The following ELMO1 variants were observed in gnomAD, a reference collection of about 807,000 sequenced individuals.
ELMO1 encodes the protein engulfment and cell motility protein 1.
ELMO1 carries 26 observed loss-of-function variants against 98.9 expected under a neutral mutation model. The observed-to-expected ratio is 0.26, with a 90% CI of 0.19 to 0.36. The LOEUF is 0.36. Among genes scored for constraint, ELMO1 ranks in the 10% least tolerant of loss-of-function variants. The pLI, the probability that ELMO1 is intolerant of heterozygous loss-of-function variation, is 1.00. For missense variants in ELMO1, 627 were observed against 935.2 expected, an observed-to-expected ratio of 0.67 and a Z score of 4.30; for synonymous variants, 346 against 346.0, an observed-to-expected ratio of 1.00 and a Z score of 0.00.
chr7:37,403,187 G>C (rs576871204), intron 1 of ELMO1, among the ~76,000 whole-genome samples: 1 of 152,214 alleles, frequency 6.6e-6, no homozygotes, highest in African/African-American at 2.4e-5. Context: ...AAGGAAGCCA[G>C]TCTGAAAAGC....
chr7:37,213,842 G>A (rs961838822), intron 11 of ELMO1, among the ~76,000 whole-genome samples: 2 of 152,200 alleles, frequency 1.3e-5, no homozygotes, highest in Non-Finnish European at 2.9e-5. Context: ...CATACCCATA[G>A]GAAGCAATTT....
intron 13 of ELMO1, among the ~76,000 whole-genome samples, chr7:37,166,323 G>C (rs547278295): frequency 2.1e-4 from 32 of 152,012 alleles, no homozygotes; most frequent in Non-Finnish European, 4.6e-4. Context: ...AGCGTTTTTT[G>C]TGTCTCTATT....
At chr7:37,008,328 G>A (rs1333515388) in intron 16 of ELMO1, among the ~76,000 whole-genome samples, 5 of 152,144 alleles carry the variant, frequency 3.3e-5, no homozygotes, top group Non-Finnish European at 7.4e-5. Flanking sequence ...GGTTGCTACC[G>A]TGTGTTTCAC....
At chr7:37,431,923 C>A (rs1446284746) in intron 1 of ELMO1, among the ~76,000 whole-genome samples, 1 of 152,022 alleles carries the variant, frequency 6.6e-6, no homozygotes, top group African/African-American at 2.4e-5. Context: ...CTCTTGTTGC[C>A]CAGGCTGGAG....
chr7:37,029,380 C>T (rs967122349), intron 15 of ELMO1, among the ~76,000 whole-genome samples: 1 of 150,648 alleles, frequency 6.6e-6, no homozygotes, highest in Non-Finnish European at 1.5e-5. Context: ...TGAATCATTA[C>T]AAACAATTCC....
At chr7:37,066,619 A>C (rs1191033667) in intron 15 of ELMO1, among the ~76,000 whole-genome samples, 2 of 152,216 alleles carry the variant, frequency 1.3e-5, no homozygotes, top group Non-Finnish European at 2.9e-5. Flanking sequence ...AGTTACAAAA[A>C]GTTGGAAGGA....
chr7:37,375,513 G>A, intron 1 of ELMO1: 1 of 864,562 alleles, frequency 1.2e-6, no homozygotes, highest in South Asian at 1.4e-5. Context: ...GGACCCCAGA[G>A]CCACCAAGAT....
chr7:37,295,072 G>A (rs943427658), intron 4 of ELMO1, among the ~76,000 whole-genome samples: 2 of 151,900 alleles, frequency 1.3e-5, no homozygotes, highest in Non-Finnish European at 2.9e-5. Flanking sequence ...CCTAGAGTAG[G>A]ATATCAATGC....
At chr7:37,193,561 T>TA (rs970020408) in intron 13 of ELMO1, among the ~76,000 whole-genome samples, 21 of 152,248 alleles carry the variant, frequency 1.4e-4, no homozygotes, top group Admixed American at 9.8e-4. Context: ...TGCAGGAGCT[T>TA]AGAGGCACAG....
intron 18 of ELMO1, among the ~76,000 whole-genome samples, chr7:36,884,568 C>T (rs117149468): frequency 0.01 from 1,590 of 152,238 alleles, 17 homozygotes; most frequent in South Asian, 0.017. Context: ...TTCAACCCAG[C>T]TTATTGTGTC....
intron 5 of ELMO1, among the ~76,000 whole-genome samples, chr7:37,266,985 C>G (rs1796273880): frequency 6.8e-6 from 1 of 146,140 alleles, no homozygotes; most frequent in Non-Finnish European, 1.5e-5. Context: ...TATACTCCAG[C>G]CTGGGCGACA....
chr7:36,983,852 T>G (rs945822344), intron 16 of ELMO1, among the ~76,000 whole-genome samples: 14 of 152,176 alleles, frequency 9.2e-5, no homozygotes, highest in African/African-American at 3.4e-4. Flanking sequence ...CAAAGTGTTA[T>G]GTGTTTGTGC....
chr7:36,964,563 A>G (rs1031082498), intron 16 of ELMO1, among the ~76,000 whole-genome samples: 4 of 152,238 alleles, frequency 2.6e-5, no homozygotes, highest in African/African-American at 9.6e-5. Flanking sequence ...CATTAGGTTT[A>G]GAATTTAGTA....
At chr7:37,442,363 G>A (rs911044727) in intron 1 of ELMO1, among the ~76,000 whole-genome samples, 19 of 152,088 alleles carry the variant, frequency 1.2e-4, no homozygotes, top group African/African-American at 4.6e-4. Flanking sequence ...TTTCTTAGTT[G>A]GTATGAATCT....
intron 4 of ELMO1, among the ~76,000 whole-genome samples, chr7:37,295,746 G>C (rs939287993): frequency 3.3e-5 from 5 of 152,164 alleles, no homozygotes; most frequent in African/African-American, 4.8e-5. Flanking sequence ...AGCCCAAATA[G>C]AGAAAGAAGT....
chr7:37,391,814 T>C (rs1032410240), intron 1 of ELMO1, among the ~76,000 whole-genome samples: 2 of 152,222 alleles, frequency 1.3e-5, no homozygotes, highest in Admixed American at 1.3e-4. Context: ...AAGGAACGAT[T>C]TGGGACCACA....
intron 13 of ELMO1, among the ~76,000 whole-genome samples, chr7:37,140,424 A>G (rs1787557586): frequency 1.3e-5 from 2 of 152,094 alleles, no homozygotes; most frequent in East Asian, 3.9e-4. Context: ...CTGAAACCAT[A>G]AAGATTACAG....
intron 1 of ELMO1, chr7:37,429,637 C>G (rs1804850723): frequency 6.6e-6 from 1 of 152,370 alleles, no homozygotes; most frequent in African/African-American, 2.4e-5. Context: ...CTCAGGCCAG[C>G]AGGGGAGATG....
At chr7:37,048,634 CA>C (rs1224621201) in intron 15 of ELMO1, among the ~76,000 whole-genome samples, 2 of 152,170 alleles carry the variant, frequency 1.3e-5, no homozygotes, top group Non-Finnish European at 2.9e-5. Context: ...AACAAGTAAA[CA>C]ATGTATATTT....
Sources: allele counts gnomAD v4.1 joint callset (sites outside exome capture counted in the v4.1 genomes callset), GRCh38; gene constraint gnomAD v4.1.1; transcripts MANE v1.5; gene names NCBI Gene and HGNC (gene_info 2026-07-23, HGNC 2026-07-21).